Variants in SMUG1 observed in about 807,000 individuals in gnomAD.
SMUG1 encodes single-strand selective monofunctional uracil DNA glycosylase.
SMUG1 carries 13 observed loss-of-function variants against 23.9 expected under a neutral mutation model. The observed-to-expected ratio is 0.54, with a 90% CI of 0.35 to 0.86. SMUG1 has a LOEUF of 0.86. SMUG1 is among the 40% of genes least tolerant of loss of function. The pLI is 0.01. For synonymous variants in SMUG1, 133 were observed against 139.8 expected (o/e 0.95, Z 0.34); for missense variants, 313 against 339.5 (o/e 0.92, Z 0.61).
chr12:54,160,339 C>A (rs1034839662), downstream of SMUG1, among the ~76,000 whole-genome samples: 1 of 152,242 alleles, frequency 6.6e-6, no homozygotes, highest in African/African-American at 2.4e-5. Flanking sequence ...GAGGCAGGAC[C>A]ACAGCCCTGT....
At chr12:54,176,679 C>T (rs1189129089), downstream of SMUG1, among the ~76,000 whole-genome samples, 1 of 147,984 alleles carries the variant, frequency 6.8e-6, no homozygotes, top group East Asian at 2.0e-4. Flanking sequence ...TGGTAGCGGG[C>T]GCCTGTAGTC....
chr12:54,171,654 T>C (rs1280876410), intron 3 of SMUG1, among the ~76,000 whole-genome samples: 1 of 122,024 alleles, frequency 8.2e-6, no homozygotes, highest in Non-Finnish European at 1.6e-5. Flanking sequence ...GCCACTGCAC[T>C]CCAGCCTGGC....
rs1472324689 is a variant in SMUG1, at chr12:54,181,326, C to G, written c.*770G>C. The G allele has an allele frequency of 3.5e-6, 2 of 564,240 alleles. No homozygotes were observed. The highest frequency in any genetic ancestry group is 3.2e-6 in the Non-Finnish European group (1 of 316,102). The allele number at this position is 564,240 out of a possible 1,614,324, so 35.0% of individuals were successfully genotyped here. Reference sequence around the variant, plus strand: ...ACCCTTGTAGTGCAGTGCTGTGAATCCTCAACCCAGAGGCAAGAAAACAAG... The same window carrying G: ...ACCCTTGTAGTGCAGTGCTGTGAATGCTCAACCCAGAGGCAAGAAAACAAG... On this transcript the variant is annotated 3_prime_UTR_variant, in exon 4 of 4. Coordinates refer to ENST00000682136, the MANE Select transcript of SMUG1 (RefSeq NM_001243787.2).
In SMUG1 at chr12:54,180,741, A is replaced by G. The variant is rs993187821; in HGVS notation, c.*1355T>C. 2 of 152,312 alleles carry G rather than the reference A, an allele frequency of 1.3e-5. No homozygotes were observed. Among genetic ancestry groups the G allele is most frequent in the African/African-American group, 4.8e-5 (2 of 41,472 alleles). 9.4% of individuals were successfully genotyped at this position (152,312 alleles called of 1,614,324 possible). Reference sequence around the variant, plus strand: ...CTGCTACATCCAGCCAGGCAGCAGCACTTTGGGAGGCCAAGACAGGTGGAT... The same window carrying G: ...CTGCTACATCCAGCCAGGCAGCAGCGCTTTGGGAGGCCAAGACAGGTGGAT... On this transcript the variant is annotated 3_prime_UTR_variant, in exon 4 of 4. Coordinates refer to ENST00000682136, the MANE Select transcript of SMUG1 (RefSeq NM_001243787.2).
chr12:54,181,895 G>A lies in SMUG1; in HGVS notation c.*201C>T. Reference sequence around the variant, plus strand: ...CAATGTTAAAAGGTAAAGAAAGCAGGAATCAGGAGGGCAAACAGGAGTAGT... The same window carrying A: ...CAATGTTAAAAGGTAAAGAAAGCAGAAATCAGGAGGGCAAACAGGAGTAGT... On this transcript the variant is annotated 3_prime_UTR_variant, in exon 4 of 4. Coordinates refer to ENST00000682136, the MANE Select transcript of SMUG1 (RefSeq NM_001243787.2). 1 of 1,427,796 alleles carries A rather than the reference G, an allele frequency of 7.0e-7. No homozygotes were observed. Among genetic ancestry groups the A allele is most frequent in the South Asian group, 1.6e-5 (1 of 62,846 alleles). 88.4% of individuals were successfully genotyped at this position (1,427,796 alleles called of 1,614,324 possible).
At chr12:54,185,481 AT>A (rs56898363) in intron 2 of SMUG1, among the ~76,000 whole-genome samples, 16,620 of 93,780 alleles carry the variant, frequency 0.18, 4,700 homozygotes, top group Non-Finnish European at 0.23. Context: ...AAAAAATAAA[AT>A]AAAAAATAAA....
chr12:54,169,988 C>T (rs928942030), intron 3 of SMUG1, among the ~76,000 whole-genome samples: 10 of 152,140 alleles, frequency 6.6e-5, no homozygotes, highest in East Asian at 5.8e-4. Flanking sequence ...AACCCGAGGT[C>T]GGTAGTTCGA....
chr12:54,182,778 T>C, intron 3 of SMUG1, 155 bp from the exon 4 acceptor site: 1 of 1,393,786 alleles, frequency 7.2e-7, no homozygotes, highest in South Asian at 1.5e-5. Context: ...TTCTTGGCCC[T>C]ATGGTTTGAG....
At chr12:54,171,923 T>C (rs1332291128) in intron 3 of SMUG1, 1 of 353,782 alleles carries the variant, frequency 2.8e-6, no homozygotes, top group Non-Finnish European at 6.0e-6. Context: ...TCATACGCTC[T>C]CACTAATCCC....
downstream of SMUG1, among the ~76,000 whole-genome samples, chr12:54,176,658 T>G (rs1017563157): frequency 2.7e-4 from 41 of 151,134 alleles, no homozygotes; most frequent in African/African-American, 9.8e-4. Context: ...TACAAAAAAA[T>G]TAGCCGGGCG....
chr12:54,175,512 C>T (rs1940730517), downstream of SMUG1, among the ~76,000 whole-genome samples: 1 of 152,172 alleles, frequency 6.6e-6, no homozygotes, highest in Non-Finnish European at 1.5e-5. Flanking sequence ...TGCAAATATC[C>T]ACTCCATGGA....
chr12:54,179,205 C>T (rs1312146054), downstream of SMUG1, among the ~76,000 whole-genome samples: 6 of 152,198 alleles, frequency 3.9e-5, no homozygotes, highest in Non-Finnish European at 7.3e-5. Flanking sequence ...AACTTGCAGA[C>T]AGCCTATTGT....
chr12:54,185,740 C>G (rs1216243396), intron 2 of SMUG1, among the ~76,000 whole-genome samples: 1 of 151,956 alleles, frequency 6.6e-6, no homozygotes, highest in Non-Finnish European at 1.5e-5. Flanking sequence ...GAACCAGGAC[C>G]TGGGAGGCAG....
chr12:54,174,519 T>G (rs1257578711), intron 2 of SMUG1, among the ~76,000 whole-genome samples: 2 of 152,214 alleles, frequency 1.3e-5, no homozygotes, highest in Non-Finnish European at 2.9e-5. Context: ...AGACCCTTTT[T>G]TGCTGCCTGA....
At chr12:54,158,276 T>A (rs556538801) in intron 4 of SMUG1, among the ~76,000 whole-genome samples, 12 of 152,116 alleles carry the variant, frequency 7.9e-5, no homozygotes, top group Admixed American at 6.5e-5. Flanking sequence ...ATAGCAATTA[T>A]CATAGCCACA....
chr12:54,169,860 T>A (rs988169181), intron 3 of SMUG1, among the ~76,000 whole-genome samples: 2 of 152,202 alleles, frequency 1.3e-5, no homozygotes, highest in African/African-American at 4.8e-5. Flanking sequence ...AGCACTCAGC[T>A]ATGTTTAGGG....
downstream of SMUG1, chr12:54,164,317 A>C (rs1940369696): frequency 6.7e-6 from 1 of 149,928 alleles, no homozygotes; most frequent in Admixed American, 6.7e-5. Context: ...GAAGTCAGGG[A>C]AACGGAAGGG....
chr12:54,182,131 T>C lies in SMUG1; in HGVS notation c.778A>G (p.Asn260Asp). 1 of 1,566,262 alleles carries C rather than the reference T, an allele frequency of 6.4e-7. No individual in the cohort carries two copies. Among genetic ancestry groups the C allele is most frequent in the Non-Finnish European group, 8.7e-7 (1 of 1,154,776 alleles). ...AGCAGTGGCAGCAGCCCCAGCTCAT[T>C]CAATCTTTCCTTGGCCACTGCCTCC... ...GWEAVAKERL[N>D]ELGLLPLLLK The change falls in exon 4 of 4, where the codon AAT (asparagine) becomes GAT (aspartate). Residue 260 changes from asparagine (N) to aspartate (D), a missense_variant. Transcript: ENST00000682136.
At chr12:54,158,346 C>A (rs1402266285) in intron 4 of SMUG1, among the ~76,000 whole-genome samples, 1 of 152,338 alleles carries the variant, frequency 6.6e-6, no homozygotes. Context: ...TGGTGCTACT[C>A]ACCAGCTCTG....
Sources: allele counts gnomAD v4.1 joint callset (sites outside exome capture counted in the v4.1 genomes callset), GRCh38; gene constraint gnomAD v4.1.1; transcripts MANE v1.5; gene names NCBI Gene and HGNC (gene_info 2026-07-23, HGNC 2026-07-21).